PXDN: variants seen among roughly 807,000 people sequenced by gnomAD.
PXDN encodes the protein peroxidasin.
A neutral mutation model predicts 140.3 loss-of-function variants in PXDN; 77 were observed. That is an observed-to-expected ratio of 0.55 (90% CI 0.46 to 0.66). PXDN has a LOEUF of 0.66. Ranked by LOEUF, PXDN falls within the 30% of genes least tolerant of loss-of-function variation. The pLI is 0.00. For synonymous variants in PXDN, 911 were observed against 857.4 expected (o/e 1.06, Z -1.09); for missense variants, 1,838 against 2,039.5 (o/e 0.90, Z 1.90).
chr2:1,646,494 A>G (rs1241464583), intron 17 of PXDN, among the ~76,000 whole-genome samples: 1 of 152,264 alleles, frequency 6.6e-6, no homozygotes, highest in African/African-American at 2.4e-5. Flanking sequence ...TGATAAAAAA[A>G]TTACACTGGA....
Position 1,744,493 on chromosome 2 carries a change from C to G in PXDN, c.-38G>C. ...GGACGGACGCTCGGACGCACGGAGC[C>G]ACCACGGCCGGCTCCCGACTGCGCC... On this transcript the variant is annotated 5_prime_UTR_variant, in exon 1 of 23. Transcript: ENST00000252804. The G allele has an allele frequency of 7.3e-7, 1 of 1,373,362 alleles. No homozygotes were observed. Among genetic ancestry groups the G allele is most frequent in the South Asian group, 1.7e-5 (1 of 58,150 alleles). 85.1% of individuals were successfully genotyped at this position (1,373,362 alleles called of 1,614,324 possible). A position where few individuals can be genotyped will look rare whatever the true frequency, so the allele number is the denominator to read the frequency against.
intron 19 of PXDN, among the ~76,000 whole-genome samples, chr2:1,642,404 G>A (rs965027544): frequency 6.6e-6 from 1 of 152,250 alleles, no homozygotes; most frequent in Non-Finnish European, 1.5e-5. Flanking sequence ...TGGAGAATAT[G>A]TGGACAGTGT....
At position 1,729,983 on chromosome 2, in the gene PXDN, C is replaced by G. The variant is rs74806475; in HGVS notation, c.200+14273G>C. Among the ~76,000 whole-genome samples, 821 of 152,226 alleles carry G rather than the reference C, an allele frequency of 5.4e-3. 9 individuals carry two copies. Among genetic ancestry groups the G allele is most frequent in the African/African-American group, 0.019 (797 of 41,530 alleles). ...CCAGATTTTAAAACCATACAAAGTG[C>G]ATTATAGAGCAGAACATGTATCATG... On this transcript the variant is annotated intron_variant, in intron 1 of 22. Transcript: ENST00000252804.
chr2:1,727,812 T>C (rs1037374537), intron 1 of PXDN, among the ~76,000 whole-genome samples: 2 of 152,236 alleles, frequency 1.3e-5, no homozygotes, highest in African/African-American at 2.4e-5. Context: ...TAATTAAATA[T>C]AACAACTTTA....
At chr2:1,712,831 TCTC>T (rs1264259776) in intron 1 of PXDN, among the ~76,000 whole-genome samples, 1 of 152,094 alleles carries the variant, frequency 6.6e-6, no homozygotes. Flanking sequence ...TTCAAGCAAT[TCTC>T]CTGCCTCAGC....
upstream of PXDN, chr2:1,744,639 G>C: frequency 4.0e-6 from 2 of 500,926 alleles, no homozygotes; most frequent in Non-Finnish European, 5.9e-6. Context: ...CGAGAACCCG[G>C]GGCCCCAGCG....
In PXDN at chr2:1,662,004, G is replaced by A. The variant is rs939078222; in HGVS notation, c.1680+68C>T. On this transcript the variant is annotated intron_variant, in intron 13 of 22. Transcript: ENST00000252804. ...CCGCCTACCTTGCTCCAGGTAGTGG[G>A]TGGTGTGGGTGCCAGCCCGTCTACC... The A allele has an allele frequency of 8.0e-6, 11 of 1,379,712 alleles. No homozygotes were observed. In the Admixed American group the frequency reaches 1.4e-4, roughly 17 times the overall value. 85.5% of individuals were successfully genotyped at this position (1,379,712 alleles called of 1,614,324 possible). A position where few individuals can be genotyped will look rare whatever the true frequency, so the allele number is the denominator to read the frequency against.
chr2:1,686,954 T>G (rs1407469815), intron 4 of PXDN, among the ~76,000 whole-genome samples: 1 of 152,206 alleles, frequency 6.6e-6, no homozygotes, highest in Non-Finnish European at 1.5e-5. Context: ...TCCTCAGGAA[T>G]GGGCTCAGTT....
intron 1 of PXDN, among the ~76,000 whole-genome samples, chr2:1,725,940 G>A (rs1480736774): frequency 6.6e-6 from 1 of 150,394 alleles, no homozygotes; most frequent in Non-Finnish European, 1.5e-5. Flanking sequence ...AGGTGCTGGA[G>A]AGGATGTGGA....
chr2:1,667,531 A>T (rs185370259), intron 9 of PXDN, among the ~76,000 whole-genome samples: 277 of 152,354 alleles, frequency 1.8e-3, no homozygotes, highest in Non-Finnish European at 2.8e-3. Context: ...TGCAGACGAC[A>T]TGATTGCATA....
intron 3 of PXDN, among the ~76,000 whole-genome samples, chr2:1,690,917 A>G (rs1051396251): frequency 1.1e-4 from 16 of 152,228 alleles, no homozygotes. Context: ...CAGAGTATAC[A>G]TCAACAATAA....
At chr2:1,672,153 G>A (rs1683593315) in intron 9 of PXDN, 1 of 152,228 alleles carries the variant, frequency 6.6e-6, no homozygotes, top group Non-Finnish European at 1.5e-5. Context: ...CTGTGCACCG[G>A]ATGGCGGGAG....
intron 22 of PXDN, 25 bp downstream of exon 22, chr2:1,635,383 T>A (rs1205176806): frequency 6.5e-7 from 1 of 1,545,438 alleles, no homozygotes; most frequent in Non-Finnish European, 8.8e-7. Flanking sequence ...CCTTAGGACA[T>A]GAAGATAGAG....
chr2:1,716,339 G>A (rs1023935483), intron 1 of PXDN, among the ~76,000 whole-genome samples: 3 of 150,958 alleles, frequency 2.0e-5, no homozygotes, highest in African/African-American at 7.3e-5. Flanking sequence ...TTGGGAGGCT[G>A]AGGCAGAAGA....
At chr2:1,680,499 G>C in intron 6 of PXDN, 137 bp from the exon 7 acceptor site, 1 of 1,053,448 alleles carries the variant, frequency 9.5e-7, no homozygotes, top group Non-Finnish European at 1.4e-6. Flanking sequence ...GATGGGACAC[G>C]TCTCGTGGTG....
intron 21 of PXDN, among the ~76,000 whole-genome samples, chr2:1,637,598 G>A (rs1377573680): frequency 1.3e-5 from 2 of 150,694 alleles, no homozygotes; most frequent in African/African-American, 5.0e-5. Flanking sequence ...CTAGGCTGCA[G>A]AAGGAGGAAG....
Position 1,687,648 on chromosome 2 carries a change from C to A in PXDN, c.400G>T (p.Ala134Ser), listed in dbSNP as rs756631872. Reference protein sequence around the residue: ...SIDRQAFKGLASLEQLYLHFN... With the variant: ...SIDRQAFKGLSSLEQLYLHFN... The stretch of plus-strand genomic sequence containing the variant: ...GGCACTTACAGTTGCTCTAGAGAGG[C>A]AAGTCCCTTAAATGCTTGCCTGTCA... Residue 134 changes from alanine to serine, a missense_variant, in exon 4 of 23, where the codon GCC (alanine) becomes TCC (serine). Ala to Ser is a moderately conservative substitution (Grantham distance 99). Transcript: ENST00000252804. The surrounding 1 kb of genome is among the most constrained non-coding windows in gnomAD (Gnocchi z 4.0). 1 of 1,521,290 alleles carries A rather than the reference C, an allele frequency of 6.6e-7. No homozygotes were observed. Among genetic ancestry groups the A allele is most frequent in the Non-Finnish European group, 9.1e-7 (1 of 1,100,162 alleles). 94.2% of individuals were successfully genotyped at this position (1,521,290 alleles called of 1,614,324 possible).
In PXDN at chr2:1,639,272, C is replaced by T; in HGVS notation, c.4073+30G>A. On this transcript the variant is annotated intron_variant, in intron 20 of 22. Coordinates refer to ENST00000252804, the MANE Select transcript of PXDN (RefSeq NM_012293.3). The surrounding 1 kb of genome is among the most constrained non-coding windows in gnomAD (Gnocchi z 5.0). ...CGCCCGCGGTGCGAGGGCCCCTCTG[C>T]ACATCATTTGACCTCAGAGACCACC... 1.2e-6 allele frequency: 2 copies of T among 1,600,722 alleles called. No individual in the cohort carries two copies. Among genetic ancestry groups the T allele is most frequent in the Non-Finnish European group, 1.7e-6 (2 of 1,173,342 alleles).
rs182698363 is a variant in PXDN at position 1,643,757 on chromosome 2, A to C, written c.3744-181T>G. On this transcript the variant is annotated intron_variant, in intron 18 of 22. Transcript: ENST00000252804. Reference sequence around the variant, plus strand: ...CATCCCCTACCCCATAACAAAACCAAAGGCAGACAATCTGGTGTAAAAATG... The same window carrying C: ...CATCCCCTACCCCATAACAAAACCACAGGCAGACAATCTGGTGTAAAAATG... Among the ~76,000 whole-genome samples the C allele has an allele frequency of 3.2e-3, 482 of 152,132 alleles. 1 individual carries two copies. The highest frequency in any genetic ancestry group is 0.011 in the African/African-American group (454 of 41,510).
Sources: allele counts gnomAD v4.1 joint callset (sites outside exome capture counted in the v4.1 genomes callset), GRCh38; gene constraint gnomAD v4.1.1; non-coding constraint Gnocchi (gnomAD v3.1); transcripts MANE v1.5; gene names NCBI Gene and HGNC (gene_info 2026-07-23, HGNC 2026-07-21).